The following ZNF148 variants were observed in gnomAD, a reference collection of about 807,000 sequenced individuals.
ZNF148 encodes the protein zinc finger protein 148.
ZNF148 carries 7 observed loss-of-function variants against 67.7 expected under a neutral mutation model. The observed-to-expected ratio is 0.10, with a 90% CI of 0.06 to 0.19. ZNF148 has a LOEUF of 0.19. Among genes scored for constraint, ZNF148 ranks in the 10% least tolerant of loss-of-function variants. The pLI is 1.00. For synonymous variants in ZNF148, 333 were observed against 330.7 expected (o/e 1.01, Z -0.08); for missense variants, 583 against 947.1 (o/e 0.62, Z 5.05).
At chr3:125,308,526 T>TAAA (rs202081671) in intron 4 of ZNF148, among the ~76,000 whole-genome samples, 7 of 40,472 alleles carry the variant, frequency 1.7e-4, no homozygotes, top group African/African-American at 7.1e-4. Context: ...GACTTTTCTA[T>TAAA]AAAAAAAAAA....
At chr3:125,273,215 A>C (rs1220556444) in intron 7 of ZNF148, among the ~76,000 whole-genome samples, 4 of 152,182 alleles carry the variant, frequency 2.6e-5, no homozygotes, top group African/African-American at 9.6e-5. Context: ...TGGTTTACAA[A>C]AATAAGATGC....
At chr3:125,255,865 T>C (rs1282501986) in intron 7 of ZNF148, among the ~76,000 whole-genome samples, 1 of 152,134 alleles carries the variant, frequency 6.6e-6, no homozygotes, top group Admixed American at 6.5e-5. Flanking sequence ...TTTCCCTGCC[T>C]GTCTTTAAAA....
chr3:125,307,487 G>C (rs1011411807), intron 4 of ZNF148, among the ~76,000 whole-genome samples: 1 of 152,008 alleles, frequency 6.6e-6, no homozygotes, highest in Non-Finnish European at 1.5e-5. Flanking sequence ...TATTTTTTTA[G>C]TTGAGACGGG....
intron 1 of ZNF148, among the ~76,000 whole-genome samples, chr3:125,334,361 A>T (rs577811333): frequency 6.6e-6 from 1 of 152,352 alleles, no homozygotes; most frequent in African/African-American, 2.4e-5. Context: ...TTTAGCAAGG[A>T]TGATAAGCAC....
intron 1 of ZNF148, among the ~76,000 whole-genome samples, chr3:125,360,826 A>T (rs921425281): frequency 6.7e-6 from 1 of 149,598 alleles, no homozygotes; most frequent in Non-Finnish European, 1.5e-5. Context: ...AAAAAAAAAA[A>T]ATTAAAATTA....
At position 125,288,082 on chromosome 3, in the gene ZNF148, CA is replaced by C. The variant is rs747804855; in HGVS notation, c.459+20del. ...GTTGGAATTAAGAGGTTGTGATTAC[CA>C]CCTTAATACATTGTCTTACTTTTGC... is the stretch of plus-strand genomic sequence containing the variant. On this transcript the variant is annotated intron_variant, in intron 5 of 8. Transcript: ENST00000360647. The C allele has an allele frequency of 2.5e-6, 4 of 1,613,156 alleles. No homozygotes were observed. Among genetic ancestry groups the C allele is most frequent in the Non-Finnish European group, 3.4e-6 (4 of 1,179,552 alleles).
chr3:125,294,411 A>G (rs1939179781), intron 4 of ZNF148, among the ~76,000 whole-genome samples: 1 of 152,254 alleles, frequency 6.6e-6, no homozygotes, highest in South Asian at 2.1e-4. Context: ...CCATACGGTT[A>G]CATAAGTTTT....
intron 7 of ZNF148, among the ~76,000 whole-genome samples, chr3:125,251,899 T>C (rs1215632135): frequency 6.6e-6 from 1 of 152,210 alleles, no homozygotes; most frequent in African/African-American, 2.4e-5. Context: ...ATTTACAGAC[T>C]TGCCAGCAGT....
intron 7 of ZNF148, among the ~76,000 whole-genome samples, chr3:125,276,802 A>G (rs1237177113): frequency 1.3e-5 from 2 of 152,200 alleles, no homozygotes; most frequent in East Asian, 3.8e-4. Context: ...AAAATTGAAA[A>G]AAAAGTTATC....
intron 7 of ZNF148, among the ~76,000 whole-genome samples, chr3:125,261,367 T>C (rs1937332291): frequency 6.6e-6 from 1 of 152,188 alleles, no homozygotes; most frequent in African/African-American, 2.4e-5. Flanking sequence ...TAATTCACTG[T>C]GGCTTTCTGT....
At chr3:125,330,461 A>C (rs1414859078) in intron 2 of ZNF148, among the ~76,000 whole-genome samples, 32 of 74,262 alleles carry the variant, frequency 4.3e-4, no homozygotes, top group African/African-American at 1.3e-3. Context: ...GCAAAACCCT[A>C]TCTCAAAAAA....
intron 2 of ZNF148, among the ~76,000 whole-genome samples, chr3:125,330,687 T>C (rs1271710376): frequency 1.3e-5 from 2 of 151,852 alleles, no homozygotes; most frequent in South Asian, 2.1e-4. Context: ...AAATTAAAAA[T>C]ACAACAAACA....
At chr3:125,234,901 CTG>C (rs1434627097) in intron 7 of ZNF148, among the ~76,000 whole-genome samples, 1 of 152,122 alleles carries the variant, frequency 6.6e-6, no homozygotes, top group South Asian at 2.1e-4. Context: ...ATGAATTAAA[CTG>C]AGTATTGTTA....
intron 1 of ZNF148, among the ~76,000 whole-genome samples, chr3:125,369,881 CAGG>C (rs1386497711): frequency 1.4e-5 from 2 of 138,896 alleles, no homozygotes; most frequent in Non-Finnish European, 3.1e-5. Context: ...GAGGCTGAGG[CAGG>C]AGAATTGTTT....
At chr3:125,373,283 G>A (rs555759257) in intron 1 of ZNF148, among the ~76,000 whole-genome samples, 114 of 149,588 alleles carry the variant, frequency 7.6e-4, no homozygotes, top group African/African-American at 2.5e-3. Flanking sequence ...TAGTGATGGG[G>A]TTTCACCATG....
rs1936738820 is a variant in ZNF148, at chr3:125,249,414, A to C, written c.668-15085T>G. ...CCACACATTTTTCCAACAGGCATAT[A>C]AAAATGTACTCAACATCACAAATCA... On this transcript the variant is annotated intron_variant, in intron 7 of 8. Transcript: ENST00000360647. Among the ~76,000 whole-genome samples the C allele has an allele frequency of 2.0e-5, 3 of 152,338 alleles. No homozygotes were observed. The South Asian group carries it at 6.2e-4, about 32-fold the overall frequency.
At chr3:125,316,756 G>C (rs1940514983) in intron 3 of ZNF148, among the ~76,000 whole-genome samples, 1 of 152,022 alleles carries the variant, frequency 6.6e-6, no homozygotes. Context: ...TTAATCCCTT[G>C]TCAGATGGGT....
chr3:125,302,920 T>C (rs908960005), intron 4 of ZNF148, among the ~76,000 whole-genome samples: 2 of 152,212 alleles, frequency 1.3e-5, no homozygotes, highest in Admixed American at 6.5e-5. Context: ...CAAATGTTAA[T>C]AGCAGCTTTA....
At chr3:125,252,746 G>A (rs1335504702) in intron 7 of ZNF148, among the ~76,000 whole-genome samples, 8 of 142,592 alleles carry the variant, frequency 5.6e-5, no homozygotes, top group African/African-American at 2.1e-4. Context: ...CCAGCCTGGC[G>A]ACAGAGCAAG....
Sources: allele counts gnomAD v4.1 joint callset (sites outside exome capture counted in the v4.1 genomes callset), GRCh38; gene constraint gnomAD v4.1.1; transcripts MANE v1.5; gene names NCBI Gene and HGNC (gene_info 2026-07-23, HGNC 2026-07-21).